FUBP3: variants seen among roughly 807,000 people sequenced by gnomAD.
FUBP3 encodes the protein far upstream element-binding protein 3.
A neutral mutation model predicts 85.6 loss-of-function variants in FUBP3; 28 were observed. The ratio of observed to expected loss-of-function variants is 0.33; its 90% CI spans 0.24 to 0.45. The LOEUF is 0.45. Among genes scored for constraint, FUBP3 ranks in the 20% least tolerant of loss-of-function variants. FUBP3 has a pLI of 1.00. For synonymous variants in FUBP3, 271 were observed against 271.4 expected (o/e 1.00, Z 0.01); for missense variants, 583 against 755.1 (o/e 0.77, Z 2.67).
chr9:130,634,055 G>GCT (rs1830319614), intron 16 of FUBP3, among the ~76,000 whole-genome samples: 1 of 152,172 alleles, frequency 6.6e-6, no homozygotes, highest in African/African-American at 2.4e-5. Context: ...GGGTGCTGAG[G>GCT]CTCTGTTCCC....
intron 2 of FUBP3, among the ~76,000 whole-genome samples, chr9:130,597,024 C>T (rs1274044250): frequency 2.0e-5 from 3 of 151,796 alleles, no homozygotes; most frequent in Non-Finnish European, 4.4e-5. Flanking sequence ...ATTAACCCCC[C>T]TCCCCCCTGA....
rs1465054631 is a variant in FUBP3, at chr9:130,635,477, A to G, written c.1583-522A>G. On this transcript the variant is annotated intron_variant, in intron 17 of 18. Coordinates refer to ENST00000319725, the MANE Select transcript of FUBP3 (RefSeq NM_003934.2). The surrounding 1 kb of genome is among the most constrained non-coding windows in gnomAD (Gnocchi z 4.3). ...GAGAAGTGGTCCCCCTGGTGTTGGC[A>G]TCATCGCCAGGTTCATGGCCCTTCT... Among the ~76,000 whole-genome samples, 1 of 152,144 alleles carries G rather than the reference A, an allele frequency of 6.6e-6. No individual in the cohort carries two copies. Among genetic ancestry groups the G allele is most frequent in the African/African-American group, 2.4e-5 (1 of 41,438 alleles).
At chr9:130,632,369 C>T in intron 16 of FUBP3, 91 bp downstream of exon 16, 1 of 965,142 alleles carries the variant, frequency 1.0e-6, no homozygotes, top group Non-Finnish European at 1.6e-6. Flanking sequence ...TCAACTCAGC[C>T]AGCAGGCCCA....
chr9:130,623,464 C>T, intron 10 of FUBP3, 147 bp from the exon 11 acceptor site: 1 of 598,980 alleles, frequency 1.7e-6, no homozygotes, highest in Middle Eastern at 3.0e-4. Flanking sequence ...TCACCCACAT[C>T]ACTCCAAAAG....
At position 130,632,290 on chromosome 9, in the gene FUBP3, G is replaced by C; in HGVS notation, c.1510+12G>C. The stretch of plus-strand genomic sequence containing the variant: ...ACAGCAGGTCCCAAGTAAGTGACTC[G>C]GGGCGGGGAGTGCATGCCCTCCAGA... On this transcript the variant is annotated intron_variant, in intron 16 of 18. Coordinates refer to ENST00000319725, the MANE Select transcript of FUBP3 (RefSeq NM_003934.2). 6.2e-7 allele frequency: 1 copy of C among 1,604,334 alleles called. No individual in the cohort carries two copies. Among genetic ancestry groups the C allele is most frequent in the Non-Finnish European group, 8.5e-7 (1 of 1,172,552 alleles).
intron 2 of FUBP3, among the ~76,000 whole-genome samples, chr9:130,597,732 G>GA (rs1397325888): frequency 6.6e-6 from 1 of 152,154 alleles, no homozygotes; most frequent in Non-Finnish European, 1.5e-5. Context: ...ACAGCTTGGA[G>GA]AAAAAAACAA....
intron 8 of FUBP3, among the ~76,000 whole-genome samples, chr9:130,618,158 C>T (rs1832103323): frequency 1.3e-5 from 2 of 152,176 alleles, no homozygotes; most frequent in South Asian, 4.1e-4. Flanking sequence ...ATCTCAAATG[C>T]CCAGTAACAC....
intron 1 of FUBP3, among the ~76,000 whole-genome samples, chr9:130,589,666 TA>T (rs2119013131): frequency 1.5e-5 from 1 of 64,764 alleles, no homozygotes; most frequent in Admixed American, 2.1e-4. Flanking sequence ...AATATGTATG[TA>T]TGTGTGTGTA....
At chr9:130,611,185 G>A (rs1166134994) in intron 3 of FUBP3, among the ~76,000 whole-genome samples, 1 of 152,162 alleles carries the variant, frequency 6.6e-6, no homozygotes, top group Non-Finnish European at 1.5e-5. Context: ...AATATTTTCT[G>A]AGAGTAGACA....
At chr9:130,598,460 G>A (rs1214859192) in intron 2 of FUBP3, among the ~76,000 whole-genome samples, 1 of 152,230 alleles carries the variant, frequency 6.6e-6, no homozygotes, top group Non-Finnish European at 1.5e-5. Flanking sequence ...GTCCGTTAGT[G>A]AGGTGTGTGC....
chr9:130,612,115 C>T lies in FUBP3; in HGVS notation c.225-341C>T, dbSNP rs1831775808. Among the ~76,000 whole-genome samples the T allele has an allele frequency of 6.6e-6, 1 of 152,154 alleles. No individual in the cohort carries two copies. The highest frequency in any genetic ancestry group is 2.4e-5 in the African/African-American group (1 of 41,432). ...TTTCAGTGACCTGGGATTGATGGCCCATTGGTTAGAGAGCACCTAACCAGG... is the reference window on the plus strand; with the variant it reads ...TTTCAGTGACCTGGGATTGATGGCCTATTGGTTAGAGAGCACCTAACCAGG... On this transcript the variant is annotated intron_variant, in intron 3 of 18. Transcript: ENST00000319725. The surrounding 1 kb of genome is among the most constrained non-coding windows in gnomAD (Gnocchi z 4.1).
At chr9:130,592,672 T>G (rs1217054718) in intron 1 of FUBP3, among the ~76,000 whole-genome samples, 2 of 151,586 alleles carry the variant, frequency 1.3e-5, no homozygotes, top group Non-Finnish European at 2.9e-5. Context: ...GCCTCCTGAG[T>G]AGCCGGGACT....
chr9:130,605,639 G>A (rs1009455176), intron 2 of FUBP3, among the ~76,000 whole-genome samples: 3 of 152,206 alleles, frequency 2.0e-5, no homozygotes, highest in Non-Finnish European at 2.9e-5. Flanking sequence ...TAGTGTGGCT[G>A]GGGGTGGTGG....
intron 1 of FUBP3, among the ~76,000 whole-genome samples, chr9:130,589,853 G>A (rs991230794): frequency 5.4e-5 from 8 of 149,346 alleles, no homozygotes; most frequent in African/African-American, 2.0e-4. Flanking sequence ...TAAGGCTACA[G>A]GCTCACGCCA....
In FUBP3 at chr9:130,633,777, C is replaced by T. The variant is rs78540205; in HGVS notation, c.1511-890C>T. On this transcript the variant is annotated intron_variant, in intron 16 of 18. Coordinates refer to ENST00000319725, the MANE Select transcript of FUBP3 (RefSeq NM_003934.2). ...AGGAAGCGGGGCGTCTCCTTCCCTC[C>T]TTCCTCCCGCTGCTTGCTTCTTCCC... 7.5e-3 allele frequency among the ~76,000 whole-genome samples: 1,141 copies of T among 152,342 alleles called. 9 individuals carry two copies. The highest frequency in any genetic ancestry group is 0.026 in the African/African-American group (1,084 of 41,576).
chr9:130,616,551 G>T lies in FUBP3; in HGVS notation c.567+34G>T, dbSNP rs200103348. 6.2e-7 allele frequency: 1 copy of T among 1,604,290 alleles called. No homozygotes were observed. The highest frequency in any genetic ancestry group is 8.5e-7 in the Non-Finnish European group (1 of 1,171,914). On this transcript the variant is annotated intron_variant, in intron 7 of 18. Coordinates refer to ENST00000319725, the MANE Select transcript of FUBP3 (RefSeq NM_003934.2). The surrounding 1 kb of genome is among the most constrained non-coding windows in gnomAD (Gnocchi z 4.7). ...GCCCGGAGCACGGAGCACAGCGGCC[G>T]CTCGCAGCAGGTCTTCAGCTTCCTG...
chr9:130,588,885 TAG>T (rs1472689153), intron 1 of FUBP3, among the ~76,000 whole-genome samples: 1 of 152,080 alleles, frequency 6.6e-6, no homozygotes, highest in Non-Finnish European at 1.5e-5. Context: ...CTGTGGGGAG[TAG>T]AGTCTTGCAG....
chr9:130,636,477 T>C (rs1368232422), intron 18 of FUBP3, among the ~76,000 whole-genome samples: 1 of 152,098 alleles, frequency 6.6e-6, no homozygotes, highest in Admixed American at 6.5e-5. Flanking sequence ...GTGCAGAGGG[T>C]GCGCTCCGGC....
intron 1 of FUBP3, among the ~76,000 whole-genome samples, chr9:130,588,463 C>T (rs142313518): frequency 5.3e-5 from 8 of 152,020 alleles, no homozygotes; most frequent in African/African-American, 9.7e-5. Context: ...TTTTAGTGTC[C>T]GAAAGTTCAG....
Sources: allele counts gnomAD v4.1 joint callset (sites outside exome capture counted in the v4.1 genomes callset), GRCh38; gene constraint gnomAD v4.1.1; non-coding constraint Gnocchi (gnomAD v3.1); transcripts MANE v1.5; gene names NCBI Gene and HGNC (gene_info 2026-07-23, HGNC 2026-07-21).